The following APOLD1 variants were observed in gnomAD, a reference collection of about 807,000 sequenced individuals.
The protein encoded by APOLD1 is apolipoprotein L domain containing 1.
Under a neutral mutation model 15.3 loss-of-function variants are expected in APOLD1, and 22 were observed. The observed-to-expected ratio is 1.44, with a 90% CI of 1.03 to 2.05. APOLD1 has a LOEUF of 2.05. Ranked by LOEUF, APOLD1 falls within the 30% of genes most tolerant of loss-of-function variation. The pLI is 0.00. For missense variants in APOLD1, 394 were observed against 353.5 expected (o/e 1.11, Z -0.92); for synonymous variants, 190 against 167.4 (o/e 1.13, Z -1.04).
At chr12:12,764,616 C>T (rs1476928777) in intron 1 of APOLD1, 2 of 421,958 alleles carry the variant, frequency 4.7e-6, no homozygotes, top group Non-Finnish European at 9.5e-6. Context: ...TTTTCTATTT[C>T]TACTAGGTGT....
intron 1 of APOLD1, among the ~76,000 whole-genome samples, chr12:12,769,043 C>T (rs73069436): frequency 0.011 from 1,603 of 151,828 alleles, 15 homozygotes; most frequent in East Asian, 0.038. Context: ...GCTGGAGCAA[C>T]GTGGCAAAAC....
At chr12:12,732,729 C>CA (rs34221371) in intron 1 of APOLD1, among the ~76,000 whole-genome samples, 7,835 of 87,090 alleles carry the variant, frequency 0.09, 276 homozygotes, top group Middle Eastern at 0.14. Flanking sequence ...GACTCTGTCT[C>CA]AAAAAAAAAA....
Position 12,787,248 on chromosome 12 carries a change from C to G in APOLD1, c.343C>G (p.Arg115Gly). 3 of 1,579,890 alleles carry G rather than the reference C, an allele frequency of 1.9e-6. No homozygotes were observed. Among genetic ancestry groups the G allele is most frequent in the Non-Finnish European group, 2.6e-6 (3 of 1,166,458 alleles). ...TCTCTCGCTGATCTTCTGCAACTCC[C>G]GGGAGCTGCGGAGGGTGCAGGAGAT... ...SDLSLIFCNS[R>G]ELRRVQEIAA... Residue 115 changes from arginine (R) to glycine (G), a missense_variant, in exon 2 of 2, where the codon CGG (arginine) becomes GGG (glycine). Physicochemically the swap from Arg to Gly is moderately radical, Grantham distance 125 (BLOSUM62 -2). Coordinates refer to ENST00000356591, the MANE Select transcript of APOLD1 (RefSeq NM_030817.3). This position sits in a 1 kb window ranked among gnomAD's most constrained non-coding sequence, Gnocchi z 4.9.
chr12:12,772,168 G>T (rs1946993062), intron 1 of APOLD1, among the ~76,000 whole-genome samples: 1 of 152,190 alleles, frequency 6.6e-6, no homozygotes, highest in African/African-American at 2.4e-5. Flanking sequence ...TTGAATGTCA[G>T]TGGTCTAAAT....
chr12:12,726,092 G>C (rs1946589675), exon 1 of APOLD1: 1 of 1,432,806 alleles, frequency 7.0e-7, no homozygotes, highest in East Asian at 3.0e-5. Flanking sequence ...CCCTGCCTTG[G>C]AAAGGTAGAA....
At position 12,791,388 on chromosome 12, in the gene APOLD1, C is replaced by A. The variant is rs1299961516; in HGVS notation, c.*3736C>A. 1.3e-5 allele frequency: 2 copies of A among 152,178 alleles called. No homozygotes were observed. The highest frequency in any genetic ancestry group is 2.9e-5 in the Non-Finnish European group (2 of 68,038). 9.4% of individuals were successfully genotyped at this position (152,178 alleles called of 1,614,324 possible). ...TAAATGGGGATACAGTTAAATGTAG[C>A]AACTCTTGAGTTCATTTTTTCCCAC... On this transcript the variant is annotated 3_prime_UTR_variant, in exon 2 of 2. Coordinates refer to ENST00000356591, the MANE Select transcript of APOLD1 (RefSeq NM_030817.3).
intron 1 of APOLD1, among the ~76,000 whole-genome samples, chr12:12,761,346 T>C (rs570080017): frequency 1.3e-5 from 2 of 152,364 alleles, no homozygotes; most frequent in Non-Finnish European, 2.9e-5. Flanking sequence ...TTTGGATTAA[T>C]GGTCTAAACA....
intron 1 of APOLD1, among the ~76,000 whole-genome samples, chr12:12,742,052 C>A (rs1946732448): frequency 6.6e-6 from 1 of 152,156 alleles, no homozygotes; most frequent in African/African-American, 2.4e-5. Flanking sequence ...AATGTCTTGC[C>A]ATTTATTGAA....
rs544501654 is a variant in APOLD1 at position 12,733,645 on chromosome 12, G to A, written c.96+7549G>A. 1.1e-3 allele frequency among the ~76,000 whole-genome samples: 167 copies of A among 152,070 alleles called. 1 individual carries two copies. The highest frequency in any genetic ancestry group is 3.9e-3 in the African/African-American group (162 of 41,472). ...TGAGACAGAGTTTCGCTCTGTTGCCGAGGCTAGAGTGCAGTGGCACGATCT... is the reference window on the plus strand; with the variant it reads ...TGAGACAGAGTTTCGCTCTGTTGCCAAGGCTAGAGTGCAGTGGCACGATCT... On this transcript the variant is annotated intron_variant, in intron 1 of 1. Coordinates refer to the APOLD1 transcript ENST00000326765.
intron 1 of APOLD1, among the ~76,000 whole-genome samples, chr12:12,777,080 C>T (rs769770936): frequency 2.6e-5 from 4 of 152,114 alleles, no homozygotes; most frequent in African/African-American, 4.8e-5. Flanking sequence ...TTTATCTAAC[C>T]ATCAGTTTCC....
chr12:12,727,143 CATT>C (rs1182247639), intron 1 of APOLD1, among the ~76,000 whole-genome samples: 3 of 152,216 alleles, frequency 2.0e-5, no homozygotes, highest in African/African-American at 7.2e-5. Context: ...TTTCCTTGCT[CATT>C]AGCATCTTGT....
intron 1 of APOLD1, among the ~76,000 whole-genome samples, chr12:12,728,502 C>CA (rs1305347877): frequency 1.3e-5 from 2 of 150,326 alleles, no homozygotes; most frequent in African/African-American, 4.9e-5. Flanking sequence ...CCCGTTTCTA[C>CA]AAAAAACAAA....
chr12:12,750,367 T>G, intron 1 of APOLD1, among the ~76,000 whole-genome samples: 1 of 74,006 alleles, frequency 1.4e-5, no homozygotes. Context: ...AGTGAGACTC[T>G]GTCTCAAAAA....
intron 1 of APOLD1, among the ~76,000 whole-genome samples, chr12:12,729,435 T>C (rs1230995111): frequency 6.6e-6 from 1 of 152,092 alleles, no homozygotes; most frequent in Non-Finnish European, 1.5e-5. Flanking sequence ...TTTTTTTTTC[T>C]TTTTGGTAGA....
intron 1 of APOLD1, among the ~76,000 whole-genome samples, chr12:12,777,889 G>GTTTTTTTTTTTTTTTTT (rs71436735): frequency 6.8e-5 from 8 of 117,062 alleles, no homozygotes; most frequent in Non-Finnish European, 6.9e-5. Flanking sequence ...AAGGAAAGGT[G>GTTTTTTTTTTTTTTTTT]TTTTTTTTTT....
chr12:12,748,689 A>G (rs1375308357), intron 1 of APOLD1, among the ~76,000 whole-genome samples: 1 of 152,096 alleles, frequency 6.6e-6, no homozygotes, highest in Non-Finnish European at 1.5e-5. Context: ...AGAAAAAGAT[A>G]ATGGGAAAAG....
In APOLD1 at chr12:12,787,818, A is replaced by C; in HGVS notation, c.*166A>C. On this transcript the variant is annotated 3_prime_UTR_variant, in exon 2 of 2. Transcript: ENST00000356591. The surrounding 1 kb of genome is among the most constrained non-coding windows in gnomAD (Gnocchi z 4.9). ...AGGTCCCCAAAGCCCTTCTTTTCCC[A>C]TCACTGTGACATCTGCCTGGGCTTG... 1 of 971,544 alleles carries C rather than the reference A, an allele frequency of 1.0e-6. No homozygotes were observed. The highest frequency in any genetic ancestry group is 1.5e-6 in the Non-Finnish European group (1 of 678,896). 60.2% of individuals were successfully genotyped at this position (971,544 alleles called of 1,614,324 possible).
At chr12:12,783,845 G>T (rs988003608), upstream of APOLD1, among the ~76,000 whole-genome samples, 5 of 151,788 alleles carry the variant, frequency 3.3e-5, no homozygotes, top group South Asian at 6.3e-4. Flanking sequence ...TGTCAACCAG[G>T]CTGGTCTCGA....
intron 1 of APOLD1, among the ~76,000 whole-genome samples, chr12:12,730,680 T>TAAAA (rs1172166554): frequency 7.3e-5 from 7 of 96,408 alleles, no homozygotes; most frequent in Admixed American, 2.7e-4. Flanking sequence ...AGACTTCCTC[T>TAAAA]AAAAAAAAAA....
Sources: allele counts gnomAD v4.1 joint callset (sites outside exome capture counted in the v4.1 genomes callset), GRCh38; gene constraint gnomAD v4.1.1; non-coding constraint Gnocchi (gnomAD v3.1); transcripts MANE v1.5; gene names NCBI Gene and HGNC (gene_info 2026-07-23, HGNC 2026-07-21).